The following PRKCB variants were observed in gnomAD, a reference collection of about 807,000 sequenced individuals.
PRKCB encodes the protein protein kinase C beta type.
A neutral mutation model predicts 81.5 loss-of-function variants in PRKCB; 13 were observed. The ratio of observed to expected loss-of-function variants is 0.16; its 90% CI spans 0.10 to 0.25. The LOEUF (loss-of-function observed/expected upper bound fraction) is 0.25, where lower values mean the gene tolerates loss of function less well. Among genes scored for constraint, PRKCB ranks in the 10% least tolerant of loss-of-function variants. The probability of loss-of-function intolerance (pLI) is 1.00; values close to 1 mark genes in which losing one functional copy is unlikely to be tolerated. For missense variants in PRKCB, 509 were observed against 875.7 expected (o/e 0.58, Z 5.29); for synonymous variants, 335 against 321.4 (o/e 1.04, Z -0.45).
chr16:23,893,658 C>A (rs1963328374), intron 2 of PRKCB: 2 of 152,230 alleles, frequency 1.3e-5, no homozygotes, highest in Non-Finnish European at 2.9e-5. Context: ...TTATTTTTCA[C>A]AAGAGTACTC....
intron 5 of PRKCB, among the ~76,000 whole-genome samples, chr16:24,069,601 G>A (rs1966081919): frequency 2.6e-5 from 4 of 152,150 alleles, no homozygotes; most frequent in Admixed American, 2.6e-4. Context: ...AAGTAGTCAG[G>A]CATGGTCGTA....
chr16:24,111,071 T>A (rs1966670444), intron 7 of PRKCB: 1 of 152,248 alleles, frequency 6.6e-6, no homozygotes, highest in Non-Finnish European at 1.5e-5. Flanking sequence ...CTTTAATTTG[T>A]AGGAATCCCT....
chr16:23,902,785 C>CTT (rs1306917481), intron 2 of PRKCB, among the ~76,000 whole-genome samples: 2 of 92,016 alleles, frequency 2.2e-5, no homozygotes, highest in African/African-American at 4.5e-5. Flanking sequence ...TTCCTTCCTC[C>CTT]CTCCCTCCCT....
intron 3 of PRKCB, among the ~76,000 whole-genome samples, chr16:24,023,594 T>G (rs1965436973): frequency 6.6e-6 from 1 of 152,114 alleles, no homozygotes; most frequent in African/African-American, 2.4e-5. Context: ...GGTCTTGATC[T>G]CCTGACCTCG....
At chr16:23,981,607 T>C (rs1831848097) in intron 2 of PRKCB, among the ~76,000 whole-genome samples, 1 of 149,070 alleles carries the variant, frequency 6.7e-6, no homozygotes, top group African/African-American at 2.5e-5. Context: ...TCCCTTCCCT[T>C]TCCTTTCCCT....
At chr16:24,144,925 C>T (rs1363171909) in intron 9 of PRKCB, among the ~76,000 whole-genome samples, 1 of 152,138 alleles carries the variant, frequency 6.6e-6, no homozygotes, top group Non-Finnish European at 1.5e-5. Context: ...CATGGAGCTT[C>T]CACTCTTGTG....
intron 3 of PRKCB, among the ~76,000 whole-genome samples, chr16:24,024,013 C>G (rs1401521445): frequency 6.6e-6 from 1 of 152,176 alleles, no homozygotes; most frequent in Non-Finnish European, 1.5e-5. Flanking sequence ...TTAGAGGACA[C>G]AGGGAGGCAG....
intron 7 of PRKCB, among the ~76,000 whole-genome samples, chr16:24,103,333 A>G (rs994704258): frequency 6.6e-6 from 1 of 151,964 alleles, no homozygotes; most frequent in African/African-American, 2.4e-5. Context: ...CTAGAATTAG[A>G]TTTTTGTTTA....
chr16:23,877,715 A>G (rs569166888), intron 2 of PRKCB, among the ~76,000 whole-genome samples: 1 of 152,316 alleles, frequency 6.6e-6, no homozygotes, highest in African/African-American at 2.4e-5. Flanking sequence ...AATCTGTGTA[A>G]ATGGTAATGG....
chr16:23,942,288 G>C (rs184994859), intron 2 of PRKCB, among the ~76,000 whole-genome samples: 2 of 152,306 alleles, frequency 1.3e-5, no homozygotes, highest in African/African-American at 4.8e-5. Flanking sequence ...AAAGGAAAGT[G>C]GTTTACATTT....
At chr16:24,178,610 G>A (rs1032903850) in intron 12 of PRKCB, among the ~76,000 whole-genome samples, 6 of 152,200 alleles carry the variant, frequency 3.9e-5, no homozygotes, top group African/African-American at 1.4e-4. Flanking sequence ...TTGCTGCAAA[G>A]CCTGGGTTTT....
chr16:23,913,986 A>G (rs1487875745), intron 2 of PRKCB, among the ~76,000 whole-genome samples: 1 of 151,960 alleles, frequency 6.6e-6, no homozygotes, highest in East Asian at 1.9e-4. Context: ...CAGTATGTGA[A>G]AATATCCCCA....
intron 2 of PRKCB, among the ~76,000 whole-genome samples, chr16:23,902,423 A>G (rs1307855819): frequency 2.0e-5 from 3 of 152,090 alleles, no homozygotes; most frequent in African/African-American, 7.2e-5. Context: ...TACCATTTTG[A>G]GGTTAACAAT....
intron 16 of PRKCB, among the ~76,000 whole-genome samples, chr16:24,207,750 G>A (rs935776100): frequency 6.6e-6 from 1 of 152,178 alleles, no homozygotes; most frequent in Non-Finnish European, 1.5e-5. Flanking sequence ...TAGAGGACAG[G>A]TCAGGGAAAA....
At chr16:24,144,102 T>C (rs1186959823) in intron 9 of PRKCB, among the ~76,000 whole-genome samples, 1 of 151,406 alleles carries the variant, frequency 6.6e-6, no homozygotes, top group East Asian at 1.9e-4. Context: ...TGCTTTGGTT[T>C]CCAGGAAGCA....
intron 2 of PRKCB, among the ~76,000 whole-genome samples, chr16:23,844,530 G>A (rs7404268): frequency 1.3e-5 from 2 of 151,918 alleles, no homozygotes; most frequent in African/African-American, 2.4e-5. Flanking sequence ...TTTTTGAGAC[G>A]GAGTCTTGCT....
At chr16:24,010,388 G>A (rs559769371) in intron 3 of PRKCB, among the ~76,000 whole-genome samples, 4 of 152,236 alleles carry the variant, frequency 2.6e-5, no homozygotes, top group African/African-American at 9.6e-5. Flanking sequence ...CACATTTTTG[G>A]ACTGGATTCC....
intron 2 of PRKCB, among the ~76,000 whole-genome samples, chr16:23,940,808 G>A (rs375491443): frequency 1.3e-5 from 2 of 152,130 alleles, no homozygotes; most frequent in African/African-American, 2.4e-5. Context: ...TCGGATTTAT[G>A]TCGTAGCTTT....
chr16:24,096,666 A>AAAAATATATATATAT (rs1406204037), intron 7 of PRKCB, among the ~76,000 whole-genome samples: 3 of 32,710 alleles, frequency 9.2e-5, no homozygotes, highest in Non-Finnish European at 1.8e-4. Flanking sequence ...AAAAAAAAAA[A>AAAAATATATATATAT]ATATATATAT....
Sources: allele counts gnomAD v4.1 joint callset (sites outside exome capture counted in the v4.1 genomes callset), GRCh38; gene constraint gnomAD v4.1.1; transcripts MANE v1.5; gene names NCBI Gene and HGNC (gene_info 2026-07-23, HGNC 2026-07-21).